The following TRPM3 variants were observed in gnomAD, a reference collection of about 807,000 sequenced individuals.
TRPM3 encodes the protein transient receptor potential cation channel subfamily M member 3.
Under a neutral mutation model 181.2 loss-of-function variants are expected in TRPM3, and 77 were observed. The observed-to-expected ratio is 0.42, with a 90% CI of 0.35 to 0.51. TRPM3 has a LOEUF of 0.51. TRPM3 is among the 20% of genes least tolerant of loss of function. The pLI, the probability that TRPM3 is intolerant of heterozygous loss-of-function variation, is 0.01. For synonymous variants in TRPM3, 745 were observed against 796.4 expected (o/e 0.94, Z 1.09); for missense variants, 1,759 against 2,196.7 (o/e 0.80, Z 3.98).
intron 17 of TRPM3, among the ~76,000 whole-genome samples, chr9:70,618,289 C>T (rs896920644): frequency 2.0e-5 from 3 of 152,232 alleles, no homozygotes; most frequent in Admixed American, 6.5e-5. Flanking sequence ...TTTATACAGA[C>T]ATAACTATAC....
intron 1 of TRPM3, among the ~76,000 whole-genome samples, chr9:71,290,232 G>A (rs73649709): frequency 0.068 from 10,363 of 151,812 alleles, 874 homozygotes; most frequent in African/African-American, 0.2. Flanking sequence ...TAAGATACCG[G>A]GTTATATATT....
intron 8 of TRPM3, among the ~76,000 whole-genome samples, chr9:70,741,102 C>G (rs374512229): frequency 1.8e-4 from 28 of 152,152 alleles, no homozygotes; most frequent in Non-Finnish European, 3.5e-4. Context: ...GAAACTCAAA[C>G]AAATCAGCAA....
At chr9:71,258,528 C>T (rs10869000) in intron 1 of TRPM3, among the ~76,000 whole-genome samples, 82,499 of 152,034 alleles carry the variant, frequency 0.54, 22,512 homozygotes, top group African/African-American at 0.59. Context: ...GAATGACTTA[C>T]ATGATAATGA....
intron 7 of TRPM3, chr9:70,776,236 T>TA (rs2081330159): frequency 2.3e-6 from 1 of 432,688 alleles, no homozygotes; most frequent in African/African-American, 2.0e-5. Flanking sequence ...TCAAGGACTT[T>TA]AAAAAAGTAA....
At chr9:71,377,288 A>T (rs2092689633) in intron 1 of TRPM3, among the ~76,000 whole-genome samples, 2 of 152,092 alleles carry the variant, frequency 1.3e-5, no homozygotes, top group African/African-American at 4.8e-5. Context: ...CCCTCTAAGA[A>T]ATTATTTTTT....
intron 1 of TRPM3, among the ~76,000 whole-genome samples, chr9:71,203,725 A>G (rs2078942016): frequency 6.6e-6 from 1 of 152,098 alleles, no homozygotes; most frequent in Non-Finnish European, 1.5e-5. Flanking sequence ...TACACATGGT[A>G]CTCTGTACAG....
rs143631702 is a variant in TRPM3 at position 71,329,177 on chromosome 9, G to T, written c.183+117476C>A. Reference sequence around the variant, plus strand: ...TGCAGCACACATAACAGTAACAGTAGCAACAATCCCAGAATAGTGATGTAG... The same window carrying T: ...TGCAGCACACATAACAGTAACAGTATCAACAATCCCAGAATAGTGATGTAG... On this transcript the variant is annotated intron_variant, in intron 1 of 24. Transcript: ENST00000357533. Among the ~76,000 whole-genome samples the T allele has an allele frequency of 4.9e-4, 74 of 152,294 alleles. 1 individual carries two copies. Among genetic ancestry groups the T allele is most frequent in the African/African-American group, 1.8e-3 (73 of 41,564 alleles).
chr9:70,668,436 G>A (rs1028670927), intron 9 of TRPM3, among the ~76,000 whole-genome samples: 6 of 152,006 alleles, frequency 3.9e-5, no homozygotes, highest in Non-Finnish European at 5.9e-5. Flanking sequence ...AGGCCGAGGC[G>A]GGCGGATCAC....
Position 70,556,733 on chromosome 9 carries a change from C to A in TRPM3, c.3224-3423G>T, listed in dbSNP as rs4557767. On this transcript the variant is annotated intron_variant, in intron 22 of 25. Transcript: ENST00000677713. ...CAAGACCCTGTCTCAAAAACAAAAACCCCCCTCAAAACCCTGACTCTGCCA... is the reference window on the plus strand; with the variant it reads ...CAAGACCCTGTCTCAAAAACAAAAAACCCCCTCAAAACCCTGACTCTGCCA... Among the ~76,000 whole-genome samples, 472 of 152,116 alleles carry A rather than the reference C, an allele frequency of 3.1e-3. 3 individuals are homozygous for A. The highest frequency in any genetic ancestry group is 0.011 in the African/African-American group (436 of 41,514).
chr9:70,748,988 G>A (rs1231631812), intron 8 of TRPM3, among the ~76,000 whole-genome samples: 1 of 152,114 alleles, frequency 6.6e-6, no homozygotes, highest in Non-Finnish European at 1.5e-5. Flanking sequence ...AGGCTTAAGA[G>A]ATTTAGCTAG....
chr9:70,637,188 A>G lies in TRPM3; in HGVS notation c.1581+1872T>C, dbSNP rs1208365493. ...CTGCTTACTGGCTCTGAACGTGGGC[A>G]AGCAACTTAACTGTGACTCAGTTTT... On this transcript the variant is annotated intron_variant, in intron 11 of 25. Transcript: ENST00000677713. Among the ~76,000 whole-genome samples the G allele has an allele frequency of 3.3e-5, 5 of 152,174 alleles. No homozygotes were observed. The East Asian group carries it at 7.7e-4, about 23-fold the overall frequency.
intron 22 of TRPM3, among the ~76,000 whole-genome samples, chr9:70,568,911 T>C (rs1314401778): frequency 6.6e-6 from 1 of 152,244 alleles, no homozygotes; most frequent in Non-Finnish European, 1.5e-5. Context: ...AGGACAAGTA[T>C]GGCTATAAAG....
intron 25 of TRPM3, among the ~76,000 whole-genome samples, chr9:70,539,622 A>C (rs555411828): frequency 6.6e-6 from 1 of 152,074 alleles, no homozygotes; most frequent in Non-Finnish European, 1.5e-5. Flanking sequence ...AACGCCATGC[A>C]CTCAGCTGAC....
intron 1 of TRPM3, among the ~76,000 whole-genome samples, chr9:71,199,731 A>AT (rs542581530): frequency 1.1e-4 from 16 of 149,596 alleles, no homozygotes; most frequent in East Asian, 9.9e-4. Flanking sequence ...CCCCTTTATC[A>AT]TTTTTTTTGC....
At chr9:71,425,762 C>A in intron 1 of TRPM3, among the ~76,000 whole-genome samples, 1 of 152,164 alleles carries the variant, frequency 6.6e-6, no homozygotes. Flanking sequence ...TAAAGTCTAG[C>A]CATTGACCCA....
chr9:70,975,814 C>T (rs1459756656), intron 1 of TRPM3, among the ~76,000 whole-genome samples: 2 of 152,206 alleles, frequency 1.3e-5, no homozygotes, highest in African/African-American at 2.4e-5. Context: ...TCAAGTCTGT[C>T]ATCTATTAGC....
chr9:71,204,111 A>G (rs2078973470), intron 1 of TRPM3, among the ~76,000 whole-genome samples: 1 of 151,318 alleles, frequency 6.6e-6, no homozygotes, highest in Non-Finnish European at 1.5e-5. Flanking sequence ...TAAAAACCCT[A>G]GAAGAAAACC....
intron 18 of TRPM3, among the ~76,000 whole-genome samples, chr9:70,612,575 A>G (rs776884224): frequency 2.1e-4 from 32 of 152,230 alleles, no homozygotes; most frequent in Non-Finnish European, 4.4e-4. Context: ...AACCAATAGG[A>G]TTTCTGGAGA....
intron 5 of TRPM3, among the ~76,000 whole-genome samples, chr9:70,834,244 A>G (rs183242150): frequency 3.5e-4 from 53 of 152,290 alleles, no homozygotes; most frequent in Admixed American, 3.3e-3. Flanking sequence ...TGGAACAATT[A>G]TGTCTTTCTG....
Sources: gnomAD v4.1 joint callset for allele counts (sites outside exome capture counted in the v4.1 genomes callset) on GRCh38, gnomAD v4.1.1 for gene constraint, MANE v1.5 for transcripts, NCBI Gene and HGNC (gene_info 2026-07-23, HGNC 2026-07-21) for gene names.